The following KRABD5 variants were observed in gnomAD, a reference collection of about 807,000 sequenced individuals.
KRABD5 encodes the protein KRAB domain containing 5, also known as KRAB domain-containing protein 5.
chr16:31,722,264 G>A, the KRABD5 span, among the ~76,000 whole-genome samples: 2 of 152,026 alleles, frequency 1.3e-5, no homozygotes, highest in East Asian at 1.9e-4. Context: ...TAGTAGAGAT[G>A]GGGTTTCATC....
At chr16:31,721,372 C>G in the KRABD5 span, among the ~76,000 whole-genome samples, 1 of 151,992 alleles carries the variant, frequency 6.6e-6, no homozygotes, top group South Asian at 2.1e-4. Context: ...GACACCTGCT[C>G]TGAACATTCT....
the KRABD5 span, chr16:31,755,214 AC>A: frequency 1.1e-5 from 5 of 474,358 alleles, no homozygotes; most frequent in Non-Finnish European, 2.1e-5. Context: ...GAAAAACTTT[AC>A]AAATGTAAAT....
chr16:31,753,654 T>C, the KRABD5 span: 8 of 1,057,510 alleles, frequency 7.6e-6, no homozygotes, highest in Middle Eastern at 3.3e-4. Context: ...CTCAAGTTTT[T>C]GATTCAACTA....
At chr16:31,713,799 C>G in the KRABD5 span, among the ~76,000 whole-genome samples, 2 of 152,270 alleles carry the variant, frequency 1.3e-5, no homozygotes, top group African/African-American at 4.8e-5. Flanking sequence ...CCTTTTTCCT[C>G]TTACAAATTA....
At chr16:31,753,538 A>G in the KRABD5 span, among the ~76,000 whole-genome samples, 4 of 152,160 alleles carry the variant, frequency 2.6e-5, no homozygotes, top group Admixed American at 1.3e-4. Flanking sequence ...TTCCTTCTAT[A>G]TGTGACCATT....
At chr16:31,722,255 A>G in the KRABD5 span, among the ~76,000 whole-genome samples, 1 of 152,190 alleles carries the variant, frequency 6.6e-6, no homozygotes, top group East Asian at 1.9e-4. Context: ...TTGTATTTTT[A>G]GTAGAGATGG....
At chr16:31,731,941 T>A in the KRABD5 span, among the ~76,000 whole-genome samples, 1 of 152,172 alleles carries the variant, frequency 6.6e-6, no homozygotes, top group African/African-American at 2.4e-5. Context: ...GACTGAGAGT[T>A]GACAGAGATA....
At chr16:31,719,742 G>A in the KRABD5 span, among the ~76,000 whole-genome samples, 1 of 152,282 alleles carries the variant, frequency 6.6e-6, no homozygotes, top group East Asian at 1.9e-4. Flanking sequence ...AAACCCAAAA[G>A]CAGTTAAATG....
At chr16:31,753,470 T>C in the KRABD5 span, among the ~76,000 whole-genome samples, 20 of 152,300 alleles carry the variant, frequency 1.3e-4, no homozygotes, top group Non-Finnish European at 2.8e-4. Flanking sequence ...CGAAACAGAA[T>C]GCGAAAAATT....
At chr16:31,738,488 CAT>C in the KRABD5 span, among the ~76,000 whole-genome samples, 1 of 152,030 alleles carries the variant, frequency 6.6e-6, no homozygotes, top group African/African-American at 2.4e-5. Context: ...TTTGATGTAA[CAT>C]GTATTTTAAC....
At chr16:31,727,631 A>G in the KRABD5 span, among the ~76,000 whole-genome samples, 2 of 152,196 alleles carry the variant, frequency 1.3e-5, no homozygotes, top group South Asian at 2.1e-4. Flanking sequence ...TCATTTGGTC[A>G]TGGGCTTTTT....
the KRABD5 span, among the ~76,000 whole-genome samples, chr16:31,746,879 T>C: frequency 6.6e-6 from 1 of 152,156 alleles, no homozygotes; most frequent in Non-Finnish European, 1.5e-5. Context: ...CTTCAAATGC[T>C]GATGTCCTTT....
the KRABD5 span, among the ~76,000 whole-genome samples, chr16:31,748,800 C>A: frequency 6.6e-6 from 1 of 152,060 alleles, no homozygotes; most frequent in East Asian, 1.9e-4. Flanking sequence ...GTTGTTGATG[C>A]TGTTGTTGTT....
At chr16:31,730,273 T>C in the KRABD5 span, among the ~76,000 whole-genome samples, 1 of 152,176 alleles carries the variant, frequency 6.6e-6, no homozygotes, top group Non-Finnish European at 1.5e-5. Flanking sequence ...CATCTCTCTT[T>C]TATTTCTAAA....
the KRABD5 span, chr16:31,759,521 C>T: frequency 2.4e-5 from 27 of 1,143,306 alleles, no homozygotes; most frequent in African/African-American, 2.3e-4. Context: ...AAGGTTTATG[C>T]CTTGCAATGT....
the KRABD5 span, among the ~76,000 whole-genome samples, chr16:31,748,848 C>T: frequency 6.6e-6 from 1 of 152,194 alleles, no homozygotes; most frequent in Non-Finnish European, 1.5e-5. Flanking sequence ...TCAGGTCCCA[C>T]TCTGAACTCC....
At chr16:31,718,033 G>T in the KRABD5 span, among the ~76,000 whole-genome samples, 1 of 152,128 alleles carries the variant, frequency 6.6e-6, no homozygotes, top group Non-Finnish European at 1.5e-5. Flanking sequence ...GACCATGGGG[G>T]CTGGAAACCA....
chr16:31,732,938 A>C, the KRABD5 span, among the ~76,000 whole-genome samples: 1 of 152,106 alleles, frequency 6.6e-6, no homozygotes, highest in Non-Finnish European at 1.5e-5. Flanking sequence ...AATATCTATG[A>C]TGTATTTATT....
the KRABD5 span, among the ~76,000 whole-genome samples, chr16:31,734,027 A>G: frequency 0.037 from 5,575 of 152,102 alleles, 280 homozygotes; most frequent in East Asian, 0.11. Flanking sequence ...CCACTTCTGT[A>G]TTTTTCTAGG....
Sources: allele counts gnomAD v4.1 joint callset (sites outside exome capture counted in the v4.1 genomes callset), GRCh38; gene constraint gnomAD v4.1.1; transcripts MANE v1.5; gene names NCBI Gene and HGNC (gene_info 2026-07-23, HGNC 2026-07-21).